Variants in GCSAML observed in about 807,000 individuals in gnomAD.
The protein encoded by GCSAML is germinal center-associated signaling and motility-like protein.
GCSAML carries 9 observed loss-of-function variants against 13.0 expected under a neutral mutation model. The ratio of observed to expected loss-of-function variants is 0.69; its 90% confidence interval spans 0.42 to 1.21. The LOEUF is 1.21. GCSAML is among the 50% of genes most tolerant of loss of function. The pLI, the probability that GCSAML is intolerant of heterozygous loss-of-function variation, is 0.00. For missense variants in GCSAML, 143 were observed against 153.4 expected, an observed-to-expected ratio of 0.93 and a Z score of 0.36; for synonymous variants, 37 against 52.9, an observed-to-expected ratio of 0.70 and a Z score of 1.31.
intron 2 of GCSAML, among the ~76,000 whole-genome samples, chr1:247,539,813 C>A (rs1667347088): frequency 1.3e-5 from 2 of 152,194 alleles, no homozygotes; most frequent in South Asian, 2.1e-4. Context: ...GTATTAAAAT[C>A]ACAACGATTT....
intron 1 of GCSAML, among the ~76,000 whole-genome samples, chr1:247,549,474 T>C (rs550413304): frequency 9.1e-4 from 134 of 147,566 alleles, no homozygotes; most frequent in Admixed American, 1.4e-3. Flanking sequence ...CAGAAAAACA[T>C]TTTTTTTTTT....
chr1:247,546,813 G>A (rs1667598179), upstream of GCSAML, among the ~76,000 whole-genome samples: 1 of 151,828 alleles, frequency 6.6e-6, no homozygotes, highest in Admixed American at 6.6e-5. Flanking sequence ...AAGGGGGCTG[G>A]ATGTGGTGGC....
At chr1:247,558,034 C>T (rs578215025) in intron 2 of GCSAML, among the ~76,000 whole-genome samples, 1 of 152,272 alleles carries the variant, frequency 6.6e-6, no homozygotes, top group East Asian at 1.9e-4. Context: ...TTTCAAATAC[C>T]AGCAAGCCTT....
At chr1:247,557,368 A>G (rs1667991570) in intron 2 of GCSAML, among the ~76,000 whole-genome samples, 2 of 152,224 alleles carry the variant, frequency 1.3e-5, no homozygotes, top group Admixed American at 6.5e-5. Context: ...AAGAAAAAAA[A>G]TGGAGTGGAA....
chr1:247,509,681 T>C (rs1665954620), intron 1 of GCSAML, among the ~76,000 whole-genome samples: 1 of 152,222 alleles, frequency 6.6e-6, no homozygotes, highest in African/African-American at 2.4e-5. Flanking sequence ...ATTCCATCAG[T>C]ACCTAGTTTA....
intron 4 of GCSAML, among the ~76,000 whole-genome samples, chr1:247,573,645 T>C (rs1159191400): frequency 6.6e-6 from 1 of 152,182 alleles, no homozygotes; most frequent in Non-Finnish European, 1.5e-5. Flanking sequence ...GCTTTGTTCT[T>C]TTTGCTTAGG....
chr1:247,543,208 T>C lies in GCSAML; in HGVS notation c.-147-5837T>C, dbSNP rs568066725. On this transcript the variant is annotated intron_variant, in intron 2 of 5. Transcript: ENST00000366489. Reference sequence around the variant, plus strand: ...TTCAATTGGAAGCATAAGAACAAGATGTTCAAAGTTGTTATTAAGCATGTG... The same window carrying C: ...TTCAATTGGAAGCATAAGAACAAGACGTTCAAAGTTGTTATTAAGCATGTG... 2.6e-5 allele frequency among the ~76,000 whole-genome samples: 4 copies of C among 152,320 alleles called. No homozygotes were observed. The South Asian group carries it at 8.3e-4, about 32-fold the overall frequency.
At chr1:247,537,297 G>A (rs1667255924) in intron 2 of GCSAML, among the ~76,000 whole-genome samples, 2 of 152,146 alleles carry the variant, frequency 1.3e-5, no homozygotes, top group Non-Finnish European at 2.9e-5. Flanking sequence ...GCGTGTATCA[G>A]TACTTCATTC....
chr1:247,539,266 C>T (rs995799080), intron 2 of GCSAML, among the ~76,000 whole-genome samples: 3 of 152,182 alleles, frequency 2.0e-5, no homozygotes, highest in Admixed American at 2.0e-4. Context: ...AGTCAAACTT[C>T]ATGGCTCTTC....
At chr1:247,543,676 A>G (rs1667478343) in intron 2 of GCSAML, among the ~76,000 whole-genome samples, 1 of 152,352 alleles carries the variant, frequency 6.6e-6, no homozygotes, top group Non-Finnish European at 1.5e-5. Flanking sequence ...TTACTAAATT[A>G]TATATGAATT....
intron 1 of GCSAML, among the ~76,000 whole-genome samples, chr1:247,552,101 G>A (rs1237872713): frequency 2.6e-5 from 4 of 152,210 alleles, no homozygotes; most frequent in Admixed American, 2.6e-4. Flanking sequence ...TCACCTTGGG[G>A]AAGAGGGATT....
intron 1 of GCSAML, among the ~76,000 whole-genome samples, chr1:247,554,248 C>G (rs1417398378): frequency 6.6e-6 from 1 of 151,984 alleles, no homozygotes; most frequent in Non-Finnish European, 1.5e-5. Flanking sequence ...TTCATTTTTT[C>G]CAAGATATTA....
At chr1:247,521,366 G>A (rs141144634) in intron 1 of GCSAML, among the ~76,000 whole-genome samples, 28,388 of 64,912 alleles carry the variant, frequency 0.44, 3,605 homozygotes, top group Admixed American at 0.49. Flanking sequence ...CCCTCTCCAC[G>A]GTCTCCCTCT....
chr1:247,564,452 CA>C (rs1472463660), intron 3 of GCSAML, among the ~76,000 whole-genome samples: 1 of 151,222 alleles, frequency 6.6e-6, no homozygotes, highest in East Asian at 2.0e-4. Context: ...TGTAATTACT[CA>C]AAATCGACAG....
chr1:247,509,694 G>T (rs1326858423), intron 1 of GCSAML, among the ~76,000 whole-genome samples: 2 of 152,152 alleles, frequency 1.3e-5, no homozygotes, highest in African/African-American at 4.8e-5. Context: ...CTAGTTTATT[G>T]AGAGTTTTTT....
upstream of GCSAML, among the ~76,000 whole-genome samples, chr1:247,546,634 G>T (rs1160434858): frequency 5.3e-5 from 8 of 151,890 alleles, no homozygotes; most frequent in South Asian, 2.1e-4. Flanking sequence ...GTGCTGGGAT[G>T]ACAGGTGTGA....
chr1:247,558,103 T>C (rs12410067), intron 2 of GCSAML, among the ~76,000 whole-genome samples: 1 of 152,224 alleles, frequency 6.6e-6, no homozygotes, highest in South Asian at 2.1e-4. Flanking sequence ...GGTTTTCTCA[T>C]GCAAGGAAAT....
intron 2 of GCSAML, among the ~76,000 whole-genome samples, chr1:247,544,086 G>A (rs1207694584): frequency 2.6e-5 from 4 of 152,208 alleles, no homozygotes; most frequent in Admixed American, 6.5e-5. Flanking sequence ...AGGACCACAT[G>A]TCACTAAAAG....
Position 247,527,106 on chromosome 1 carries a change from C to A in GCSAML, c.-148+52C>A. On this transcript the variant is annotated intron_variant, in intron 2 of 5. Coordinates refer to the GCSAML transcript ENST00000366489. The surrounding 1 kb of genome is among the most constrained non-coding windows in gnomAD (Gnocchi z 4.6). ...CCTTGGGTTCTGGAGAGGATGTCTT[C>A]ATTTTCTGTTAAGCATTTAGGGAGC... The A allele has an allele frequency of 4.4e-6, 2 of 455,658 alleles. 1 individual carries two copies. The highest frequency in any genetic ancestry group is 3.1e-5 in the South Asian group (2 of 64,332). The allele number at this position is 455,658 out of a possible 1,614,324, so 28.2% of individuals were successfully genotyped here. A position where few individuals can be genotyped will look rare whatever the true frequency, so the allele number is the denominator to read the frequency against.
Sources: gnomAD v4.1 joint callset for allele counts (sites outside exome capture counted in the v4.1 genomes callset) on GRCh38, gnomAD v4.1.1 for gene constraint, Gnocchi (gnomAD v3.1) non-coding constraint, MANE v1.5 for transcripts, NCBI Gene and HGNC (gene_info 2026-07-23, HGNC 2026-07-21) for gene names.